Variants in CHUK observed in about 807,000 individuals in gnomAD.
CHUK encodes inhibitor of nuclear factor kappa-B kinase subunit alpha.
Under a neutral mutation model 104.8 loss-of-function variants are expected in CHUK, and 35 were observed. The ratio of observed to expected loss-of-function variants is 0.33; its 90% CI spans 0.26 to 0.44. CHUK has a LOEUF of 0.44. Among genes scored for constraint, CHUK ranks in the 20% least tolerant of loss-of-function variants. The pLI is 1.00. For missense variants in CHUK, 663 were observed against 902.7 expected (o/e 0.73, Z 3.40); for synonymous variants, 276 against 291.9 (o/e 0.95, Z 0.56).
chr10:100,196,741 C>G (rs761594582), intron 16 of CHUK, among the ~76,000 whole-genome samples: 1 of 152,138 alleles, frequency 6.6e-6, no homozygotes, highest in Non-Finnish European at 1.5e-5. Context: ...TTCCACTGCA[C>G]ACAGTGGCTT....
chr10:100,202,066 A>T (rs1425253535), intron 14 of CHUK, 22 bp downstream of exon 14: 1 of 1,550,744 alleles, frequency 6.4e-7, no homozygotes. Flanking sequence ...ATAAGTATAC[A>T]GAATGACGTC....
At chr10:100,204,052 CT>C (rs1185341699) in intron 13 of CHUK, among the ~76,000 whole-genome samples, 1 of 152,140 alleles carries the variant, frequency 6.6e-6, no homozygotes, top group South Asian at 2.1e-4. Context: ...ATTCAGGTCT[CT>C]TTTGTAAGAG....
intron 16 of CHUK, among the ~76,000 whole-genome samples, chr10:100,196,547 C>G (rs1845335124): frequency 6.6e-6 from 1 of 151,990 alleles, no homozygotes; most frequent in Non-Finnish European, 1.5e-5. Flanking sequence ...ACTACCACAC[C>G]CAGCTTTTTA....
chr10:100,222,717 G>C, intron 3 of CHUK, 149 bp downstream of exon 3: 1 of 643,294 alleles, frequency 1.6e-6, no homozygotes, highest in South Asian at 1.6e-5. Flanking sequence ...AGAAATGAAT[G>C]TGGCTGTGTT....
intron 9 of CHUK, among the ~76,000 whole-genome samples, chr10:100,212,217 AC>A (rs1296928166): frequency 6.6e-6 from 1 of 152,052 alleles, no homozygotes; most frequent in Non-Finnish European, 1.5e-5. Flanking sequence ...GAACCTTTGT[AC>A]TGTTTCCCAC....
chr10:100,203,033 A>G (rs1457618188), intron 13 of CHUK, among the ~76,000 whole-genome samples: 1 of 152,202 alleles, frequency 6.6e-6, no homozygotes, highest in Non-Finnish European at 1.5e-5. Context: ...TGTTGGGATT[A>G]CAGGCGTGAG....
intron 18 of CHUK, 160 bp from the exon 19 acceptor site, chr10:100,193,591 G>A: frequency 2.4e-6 from 2 of 820,154 alleles, no homozygotes; most frequent in Non-Finnish European, 4.0e-6. Flanking sequence ...CACACCATTA[G>A]TAACCTGTCC....
At chr10:100,224,839 G>A (rs909119385) in intron 2 of CHUK, among the ~76,000 whole-genome samples, 1 of 139,590 alleles carries the variant, frequency 7.2e-6, no homozygotes, top group Admixed American at 6.7e-5. Context: ...GTACAGTTTA[G>A]TGGCATCAAG....
intron 16 of CHUK, among the ~76,000 whole-genome samples, chr10:100,196,933 G>C (rs1349079133): frequency 6.6e-6 from 1 of 152,158 alleles, no homozygotes; most frequent in Non-Finnish European, 1.5e-5. Flanking sequence ...ATAGTATCAA[G>C]GCTAATCCCT....
chr10:100,219,052 A>G lies in CHUK; in HGVS notation c.645T>C (p.Ile215=). ...GATGCAAAAAAGGCCTATATCCAGC[A>G]ATACATTCAAATACCATGGTCCCAA... ...WSFGTMVFEC[I]AGYRPFLHHL... is the part of the protein sequence containing the mutation. Residue 215 remains isoleucine (I), a synonymous_variant, in exon 7 of 21, where the codon ATT becomes ATC. Coordinates refer to ENST00000370397, the MANE Select transcript of CHUK (RefSeq NM_001278.5). 1 of 1,613,870 alleles carries G rather than the reference A, an allele frequency of 6.2e-7. No individual in the cohort carries two copies.
At chr10:100,207,635 C>T (rs906440942) in intron 10 of CHUK, among the ~76,000 whole-genome samples, 3 of 152,082 alleles carry the variant, frequency 2.0e-5, no homozygotes, top group Non-Finnish European at 4.4e-5. Flanking sequence ...ACAACATGCA[C>T]GGGCTTCAAA....
chr10:100,226,432 G>A (rs17880575), intron 1 of CHUK, among the ~76,000 whole-genome samples: 440 of 152,246 alleles, frequency 2.9e-3, no homozygotes, highest in Non-Finnish European at 3.8e-3. Flanking sequence ...CAAACAGCAA[G>A]AGAAAGTTTT....
chr10:100,227,790 C>T (rs572218308), intron 1 of CHUK, among the ~76,000 whole-genome samples: 2 of 152,282 alleles, frequency 1.3e-5, no homozygotes, highest in Admixed American at 1.3e-4. Flanking sequence ...CCTATCTCCC[C>T]TTTCTCCCAC....
At chr10:100,213,728 G>T (rs1845788670) in intron 9 of CHUK, among the ~76,000 whole-genome samples, 1 of 152,014 alleles carries the variant, frequency 6.6e-6, no homozygotes, top group South Asian at 2.1e-4. Context: ...CACCATGTTG[G>T]CCAGGCTGGT....
At chr10:100,223,631 A>G (rs1329431171) in intron 2 of CHUK, among the ~76,000 whole-genome samples, 1 of 152,154 alleles carries the variant, frequency 6.6e-6, no homozygotes, top group Admixed American at 6.5e-5. Flanking sequence ...AGAAAAAAAG[A>G]AAAAGAAGCA....
At chr10:100,222,401 A>C (rs1846011565) in intron 3 of CHUK, among the ~76,000 whole-genome samples, 1 of 152,230 alleles carries the variant, frequency 6.6e-6, no homozygotes, top group Admixed American at 6.5e-5. Flanking sequence ...AAACTGGAAA[A>C]GGCTGACAAA....
At chr10:100,192,820 A>C (rs1365581722) in intron 19 of CHUK, 2 of 761,798 alleles carry the variant, frequency 2.6e-6, no homozygotes, top group Non-Finnish European at 3.2e-6. Flanking sequence ...GTCTAATCTT[A>C]GAAATACAAA....
chr10:100,215,097 C>G (rs750620176), intron 9 of CHUK, among the ~76,000 whole-genome samples: 1 of 151,018 alleles, frequency 6.6e-6, no homozygotes, highest in Non-Finnish European at 1.5e-5. Context: ...TAGCTGGACA[C>G]GGTGGCAGGC....
At chr10:100,199,539 C>G (rs1315242090) in intron 16 of CHUK, among the ~76,000 whole-genome samples, 2 of 152,164 alleles carry the variant, frequency 1.3e-5, no homozygotes, top group African/African-American at 4.8e-5. Context: ...GTTGGCCAAG[C>G]TGGTTTTGAA....
Sources: allele counts gnomAD v4.1 joint callset (sites outside exome capture counted in the v4.1 genomes callset), GRCh38; gene constraint gnomAD v4.1.1; transcripts MANE v1.5; gene names NCBI Gene and HGNC (gene_info 2026-07-23, HGNC 2026-07-21).